Variants in RBFOX1 observed in about 807,000 individuals in gnomAD.
RBFOX1 encodes the protein RNA binding protein fox-1 homolog 1.
In RBFOX1, 8 loss-of-function variants were observed where a neutral mutation model predicts 57.7. That is an observed-to-expected ratio of 0.14 (90% CI 0.08 to 0.25). The LOEUF is 0.25. Ranked by LOEUF, RBFOX1 falls within the 10% of genes least tolerant of loss-of-function variation. The probability of loss-of-function intolerance (pLI) is 1.00; values close to 1 mark genes in which losing one functional copy is unlikely to be tolerated. For synonymous variants in RBFOX1, 326 were observed against 222.4 expected, an observed-to-expected ratio of 1.47 and a Z score of -4.15; for missense variants, 611 against 548.5, an observed-to-expected ratio of 1.11 and a Z score of -1.14.
intron 2 of RBFOX1, among the ~76,000 whole-genome samples, chr16:6,534,615 A>G (rs2096710405): frequency 6.6e-6 from 1 of 152,176 alleles, no homozygotes. Flanking sequence ...ATTTACACTA[A>G]TCGTCACAAG....
intron 3 of RBFOX1, among the ~76,000 whole-genome samples, chr16:6,987,865 A>C (rs1277462094): frequency 1.3e-5 from 2 of 152,168 alleles, no homozygotes; most frequent in East Asian, 1.9e-4. Flanking sequence ...GGGCATCTCA[A>C]AGCAGCCACA....
In RBFOX1 at chr16:5,495,807, T is replaced by A. The variant is rs1194936878; in HGVS notation, c.258+28553T>A. ...TCACCTTTTTCTCCAGGCATCTTCA[T>A]GAATGTTCCATCCCTTGGCTAAAGA... On this transcript the variant is annotated intron_variant, in intron 2 of 2. Coordinates refer to the RBFOX1 transcript ENST00000585867. 2.0e-5 allele frequency among the ~76,000 whole-genome samples: 3 copies of A among 152,226 alleles called. No individual in the cohort carries two copies. In the East Asian group the frequency reaches 5.8e-4, roughly 29 times the overall value.
intron 1 of RBFOX1, among the ~76,000 whole-genome samples, chr16:5,402,642 T>C (rs1383850775): frequency 6.6e-6 from 1 of 152,228 alleles, no homozygotes; most frequent in Non-Finnish European, 1.5e-5. Flanking sequence ...TTATTTCGTC[T>C]CCTTGCTTCC....
At chr16:6,084,028 G>A (rs958739857) in intron 1 of RBFOX1, among the ~76,000 whole-genome samples, 15 of 152,076 alleles carry the variant, frequency 9.9e-5, no homozygotes, top group Admixed American at 2.0e-4. Flanking sequence ...AGAGTATAAC[G>A]GTTAAAGAGT....
At chr16:6,965,273 G>A (rs1226391889) in intron 3 of RBFOX1, among the ~76,000 whole-genome samples, 3 of 151,842 alleles carry the variant, frequency 2.0e-5, no homozygotes, top group Admixed American at 2.0e-4. Flanking sequence ...TTCAGGACTA[G>A]AATGACCAAA....
chr16:6,526,857 A>AAAAAAC lies in RBFOX1; in HGVS notation c.-63-127744_-63-127743insAAACAA, dbSNP rs1567560941. Among the ~76,000 whole-genome samples, 142 of 130,410 alleles carry AAAAAAC rather than the reference A, an allele frequency of 1.1e-3. 4 individuals are homozygous for AAAAAAC. The highest frequency in any genetic ancestry group is 4.9e-3 in the African/African-American group (135 of 27,478). The allele number at this position is 130,410 out of a possible 152,430, so 85.6% of individuals were successfully genotyped here. On this transcript the variant is annotated intron_variant, in intron 2 of 15. Coordinates refer to ENST00000550418, the MANE Select transcript of RBFOX1 (RefSeq NM_018723.4). ...AAAAAAAAAAAAAAAAAAAAAAAAA[A>AAAAAAC]AACAACCAGAAAAACAGAAATACTC... is the stretch of plus-strand genomic sequence containing the variant.
chr16:6,126,590 G>A (rs2096591382), intron 1 of RBFOX1, among the ~76,000 whole-genome samples: 1 of 152,130 alleles, frequency 6.6e-6, no homozygotes, highest in Admixed American at 6.5e-5. Flanking sequence ...ATCCAAGTCA[G>A]CATTTATGTG....
chr16:5,489,994 GT>G (rs2042773060), intron 2 of RBFOX1, among the ~76,000 whole-genome samples: 1 of 152,232 alleles, frequency 6.6e-6, no homozygotes, highest in Admixed American at 6.5e-5. Context: ...TTTCACTGCT[GT>G]CTGTCTTGGT....
intron 7 of RBFOX1, among the ~76,000 whole-genome samples, chr16:7,594,395 G>C (rs1201318581): frequency 6.6e-6 from 1 of 152,210 alleles, no homozygotes; most frequent in Non-Finnish European, 1.5e-5. Flanking sequence ...CCAGTTTACA[G>C]TGAAAAATCT....
intron 2 of RBFOX1, among the ~76,000 whole-genome samples, chr16:6,518,052 T>A (rs934994715): frequency 2.0e-5 from 3 of 152,196 alleles, no homozygotes; most frequent in Non-Finnish European, 4.4e-5. Flanking sequence ...TTTGTTGAAC[T>A]AATTCAAGTT....
At chr16:5,411,825 A>G (rs74988205) in intron 1 of RBFOX1, among the ~76,000 whole-genome samples, 6 of 152,024 alleles carry the variant, frequency 3.9e-5, no homozygotes, top group Admixed American at 6.6e-5. Context: ...GGAGGCTGCA[A>G]TGAACTCTGA....
chr16:6,218,238 T>C (rs988418232), intron 1 of RBFOX1, among the ~76,000 whole-genome samples: 4 of 152,128 alleles, frequency 2.6e-5, no homozygotes, highest in Admixed American at 2.0e-4. Context: ...TCTAGAGTCA[T>C]TCATTGAGCT....
At chr16:5,240,231 C>T in intron 1 of RBFOX1, 3 of 668,056 alleles carry the variant, frequency 4.5e-6, no homozygotes, top group Non-Finnish European at 2.7e-6. Flanking sequence ...GTGGCAACTC[C>T]GGCGGGCGCG....
intron 3 of RBFOX1, among the ~76,000 whole-genome samples, chr16:6,854,639 G>T (rs1159747537): frequency 7.9e-6 from 1 of 127,296 alleles, no homozygotes; most frequent in Non-Finnish European, 1.5e-5. Flanking sequence ...GTTTTGCCCA[G>T]GCTGGAGTGC....
intron 3 of RBFOX1, among the ~76,000 whole-genome samples, chr16:5,698,853 G>T (rs2050931332): frequency 1.3e-5 from 2 of 152,016 alleles, no homozygotes; most frequent in South Asian, 4.2e-4. Context: ...TAAAGATTTT[G>T]TTATAGCTAC....
chr16:5,932,165 C>T (rs1314975603), intron 4 of RBFOX1, among the ~76,000 whole-genome samples: 3 of 152,162 alleles, frequency 2.0e-5, no homozygotes, highest in Admixed American at 6.5e-5. Flanking sequence ...GACTTAATCA[C>T]ACCAGTCCAT....
intron 4 of RBFOX1, among the ~76,000 whole-genome samples, chr16:7,072,369 T>C (rs1441478653): frequency 6.6e-6 from 1 of 152,220 alleles, no homozygotes; most frequent in Non-Finnish European, 1.5e-5. Flanking sequence ...CTCGTTTGTT[T>C]TGTGGTTTAC....
intron 3 of RBFOX1, among the ~76,000 whole-genome samples, chr16:6,817,628 C>T (rs1030266017): frequency 4.0e-5 from 6 of 151,486 alleles, no homozygotes; most frequent in African/African-American, 1.5e-4. Flanking sequence ...ATCACTTGAA[C>T]CCAGGAGGAG....
chr16:6,195,285 C>T (rs368152629), intron 1 of RBFOX1, among the ~76,000 whole-genome samples: 1 of 152,178 alleles, frequency 6.6e-6, no homozygotes, highest in African/African-American at 2.4e-5. Context: ...CTTATTATAG[C>T]ATTTGTGCTG....
Sources: allele counts gnomAD v4.1 joint callset (sites outside exome capture counted in the v4.1 genomes callset), GRCh38; gene constraint gnomAD v4.1.1; transcripts MANE v1.5; gene names NCBI Gene and HGNC (gene_info 2026-07-23, HGNC 2026-07-21).